The following CDH13 variants were observed in gnomAD, a reference collection of about 807,000 sequenced individuals.
The protein encoded by CDH13 is cadherin 13, also known as cadherin-13.
A neutral mutation model predicts 63.8 loss-of-function variants in CDH13; 24 were observed. The ratio of observed to expected loss-of-function variants is 0.38; its 90% CI spans 0.27 to 0.53. The LOEUF is 0.53. Among genes scored for constraint, CDH13 ranks in the 20% least tolerant of loss-of-function variants. The pLI, the probability that CDH13 is intolerant of heterozygous loss-of-function variation, is 0.85. For missense variants in CDH13, 1,049 were observed against 903.1 expected (o/e 1.16, Z -2.07); for synonymous variants, 503 against 355.3 (o/e 1.42, Z -4.67).
intron 1 of CDH13, among the ~76,000 whole-genome samples, chr16:82,803,722 A>G (rs941115353): frequency 1.3e-5 from 2 of 152,222 alleles, no homozygotes; most frequent in African/African-American, 4.8e-5. Context: ...TAAGACAGTC[A>G]CAGAAGGACA....
intron 2 of CDH13, among the ~76,000 whole-genome samples, chr16:82,875,165 C>T (rs913002977): frequency 2.0e-5 from 3 of 152,180 alleles, no homozygotes; most frequent in Non-Finnish European, 4.4e-5. Flanking sequence ...AAAGTTTTTG[C>T]GTATGACAAA....
intron 10 of CDH13, chr16:83,739,984 C>T (rs1200452458): frequency 6.6e-6 from 1 of 152,174 alleles, no homozygotes; most frequent in Non-Finnish European, 1.5e-5. Flanking sequence ...AGTGGCTTCT[C>T]TAGGGAACAC....
At chr16:83,295,416 A>G (rs1047574603) in intron 5 of CDH13, among the ~76,000 whole-genome samples, 6 of 152,190 alleles carry the variant, frequency 3.9e-5, no homozygotes, top group African/African-American at 1.4e-4. Flanking sequence ...AAATGAAACA[A>G]CAGGGTAAAA....
chr16:83,463,343 C>A (rs1013884336), intron 6 of CDH13, among the ~76,000 whole-genome samples: 1 of 152,182 alleles, frequency 6.6e-6, no homozygotes, highest in Non-Finnish European at 1.5e-5. Flanking sequence ...TCATTTCTTC[C>A]CATTATCTCT....
chr16:83,088,050 G>A (rs1025499602), intron 3 of CDH13, among the ~76,000 whole-genome samples: 1 of 152,248 alleles, frequency 6.6e-6, no homozygotes, highest in African/African-American at 2.4e-5. Context: ...AAGTAGTTGC[G>A]GTTTTGCCAC....
At position 82,715,790 on chromosome 16, in the gene CDH13, A is replaced by G. The variant is rs549911375; in HGVS notation, c.45+88653A>G. Among the ~76,000 whole-genome samples, 31 of 152,290 alleles carry G rather than the reference A, an allele frequency of 2.0e-4. 1 individual carries two copies. The South Asian group carries it at 6.4e-3, about 32-fold the overall frequency. Reference sequence around the variant, plus strand: ...GCGATGATGGGGTTTTTTCTTTGCAAAATTACAAGCCACAGTCTCACCTCA... The same window carrying G: ...GCGATGATGGGGTTTTTTCTTTGCAGAATTACAAGCCACAGTCTCACCTCA... On this transcript the variant is annotated intron_variant, in intron 1 of 13. Coordinates refer to ENST00000567109, the MANE Select transcript of CDH13 (RefSeq NM_001257.5).
rs529592711 is a variant in CDH13, at chr16:83,651,010, A to G, written c.1102-19780A>G. ...CAGCTACTCTGGGGGCTGAGGCAGA[A>G]GGCTCCATTGAGCCCGGGAGGTCAA... On this transcript the variant is annotated intron_variant, in intron 8 of 13. Transcript: ENST00000567109. Among the ~76,000 whole-genome samples the G allele has an allele frequency of 1.4e-3, 220 of 152,088 alleles. 1 individual carries two copies. The highest frequency in any genetic ancestry group is 4.9e-3 in the African/African-American group (204 of 41,510).
At chr16:82,914,721 G>A (rs749346195) in intron 2 of CDH13, among the ~76,000 whole-genome samples, 9 of 152,216 alleles carry the variant, frequency 5.9e-5, no homozygotes, top group Admixed American at 2.0e-4. Context: ...AATGGAACAC[G>A]GCTGTCCTGG....
chr16:82,738,815 A>T (rs998944394), intron 1 of CDH13, among the ~76,000 whole-genome samples: 2 of 152,102 alleles, frequency 1.3e-5, no homozygotes, highest in Non-Finnish European at 2.9e-5. Flanking sequence ...TATCTCACAC[A>T]TTTCGCTTAT....
At chr16:82,780,717 TA>T (rs1338986897) in intron 1 of CDH13, among the ~76,000 whole-genome samples, 1 of 152,268 alleles carries the variant, frequency 6.6e-6, no homozygotes, top group Non-Finnish European at 1.5e-5. Flanking sequence ...GCTACTTTTT[TA>T]AATAAAACAT....
chr16:82,869,052 A>G (rs1376608485), intron 2 of CDH13, among the ~76,000 whole-genome samples: 1 of 152,160 alleles, frequency 6.6e-6, no homozygotes, highest in Non-Finnish European at 1.5e-5. Context: ...TGTAATTATT[A>G]TCATTATTAT....
In CDH13 at chr16:83,006,650, A is replaced by C. The variant is rs560622725; in HGVS notation, c.158-25360A>C. Among the ~76,000 whole-genome samples, 3 of 152,324 alleles carry C rather than the reference A, an allele frequency of 2.0e-5. No individual in the cohort carries two copies. In the East Asian group the frequency reaches 5.8e-4, roughly 29 times the overall value. On this transcript the variant is annotated intron_variant, in intron 2 of 13. Transcript: ENST00000567109. Reference sequence around the variant, plus strand: ...CCTCTGATAGTGTCTAAAGAAGCAAATAATGATGAAGTGAGCTGTACCTCC... The same window carrying C: ...CCTCTGATAGTGTCTAAAGAAGCAACTAATGATGAAGTGAGCTGTACCTCC...
At chr16:83,747,229 C>T (rs1912665947) in intron 10 of CDH13, among the ~76,000 whole-genome samples, 1 of 152,182 alleles carries the variant, frequency 6.6e-6, no homozygotes, top group Non-Finnish European at 1.5e-5. Context: ...GCTGTGTCCT[C>T]ACCCAAGTCT....
intron 1 of CDH13, among the ~76,000 whole-genome samples, chr16:82,747,084 C>T (rs181779015): frequency 3.0e-4 from 46 of 152,256 alleles, no homozygotes; most frequent in Admixed American, 1.3e-3. Flanking sequence ...AGAAAATATG[C>T]TTTCTCAATA....
chr16:83,235,421 G>C (rs16959846), intron 5 of CDH13, among the ~76,000 whole-genome samples: 5,862 of 152,180 alleles, frequency 0.039, 117 homozygotes, highest in South Asian at 0.06. Flanking sequence ...TCATCTAACC[G>C]AATCATGTTT....
intron 2 of CDH13, among the ~76,000 whole-genome samples, chr16:82,944,603 A>G (rs923516767): frequency 1.3e-5 from 2 of 152,152 alleles, no homozygotes; most frequent in Non-Finnish European, 2.9e-5. Flanking sequence ...GGGTGGTGTT[A>G]ACATCCTACA....
chr16:82,873,086 A>C (rs958951287), intron 2 of CDH13, among the ~76,000 whole-genome samples: 1 of 152,174 alleles, frequency 6.6e-6, no homozygotes, highest in Admixed American at 6.5e-5. Context: ...TGGGTGGTCA[A>C]AGAAGATTTT....
chr16:83,340,940 A>T (rs766873055), intron 5 of CDH13, among the ~76,000 whole-genome samples: 7 of 152,070 alleles, frequency 4.6e-5, no homozygotes, highest in Non-Finnish European at 8.8e-5. Flanking sequence ...TAAGAATAGA[A>T]ATCCTCATGT....
chr16:83,374,915 A>G (rs182223178), intron 6 of CDH13, among the ~76,000 whole-genome samples: 121 of 152,292 alleles, frequency 7.9e-4, no homozygotes, highest in African/African-American at 2.8e-3. Context: ...TGGGCAGCCT[A>G]TATATACAGA....
Sources: gnomAD v4.1 joint callset for allele counts (sites outside exome capture counted in the v4.1 genomes callset) on GRCh38, gnomAD v4.1.1 for gene constraint, MANE v1.5 for transcripts, NCBI Gene and HGNC (gene_info 2026-07-23, HGNC 2026-07-21) for gene names.